CDC42EP1: variants seen among roughly 807,000 people sequenced by gnomAD.
CDC42EP1 encodes the protein CDC42 effector protein 1, also known as 55 kDa bone marrow stromal/endothelial cell protein.
Under a neutral mutation model 7.4 loss-of-function variants are expected in CDC42EP1, and 6 were observed. That is an observed-to-expected ratio of 0.81 (90% CI 0.44 to 1.60). The LOEUF is 1.60. Ranked by LOEUF, CDC42EP1 falls within the 40% of genes most tolerant of loss-of-function variation. The probability of loss-of-function intolerance (pLI) is 0.01; values close to 1 mark genes in which losing one functional copy is unlikely to be tolerated. For synonymous variants in CDC42EP1, 238 were observed against 227.1 expected (o/e 1.05, Z -0.43); for missense variants, 567 against 539.0 (o/e 1.05, Z -0.51).
chr22:37,568,360 C>T lies in CDC42EP1; in HGVS notation c.716C>T (p.Thr239Met), dbSNP rs781722526. Residue 239 changes from threonine to methionine, a missense_variant, in exon 3 of 3, where the codon ACG becomes ATG. Physicochemically the swap from Thr to Met is moderately conservative, Grantham distance 81. Coordinates refer to ENST00000249014, the MANE Select transcript of CDC42EP1 (RefSeq NM_152243.3). ...ANPPAPTANPTGPAANPPATT... is the reference protein window; with the variant it reads ...ANPPAPTANPMGPAANPPATT... The stretch of plus-strand genomic sequence containing the variant: ...CCCCCAGCCCCTACTGCAAACCCCA[C>T]GGGTCCTGCTGCAAACCCCCCAGCC... 7.5e-5 allele frequency: 118 copies of T among 1,563,830 alleles called. No homozygotes were observed. Among genetic ancestry groups the T allele is most frequent in the Non-Finnish European group, 9.9e-5 (114 of 1,146,964 alleles).
At chr22:37,567,242 C>T (rs773021032) in intron 2 of CDC42EP1, among the ~76,000 whole-genome samples, 5 of 152,094 alleles carry the variant, frequency 3.3e-5, no homozygotes, top group African/African-American at 9.7e-5. Flanking sequence ...TTCAAGTCCT[C>T]GCCTGGATAA....
Position 37,568,209 on chromosome 22 carries a change from C to T in CDC42EP1, c.565C>T (p.Arg189Cys), listed in dbSNP as rs556416144. ...GSFPSEPGLR[R>C]SDSLLSFRLD... ...CTTCCCCTCTGAGCCCGGGCTTCGC[C>T]GCTCTGACTCTCTCTTGTCCTTCCG... The change falls in exon 3 of 3, where the codon CGC becomes TGC. Residue 189 changes from arginine to cysteine, a missense_variant. Transcript: ENST00000249014. 1.9e-5 allele frequency: 31 copies of T among 1,613,932 alleles called. No individual in the cohort carries two copies. The highest frequency in any genetic ancestry group is 2.4e-5 in the Non-Finnish European group (28 of 1,179,986).
rs1210903271 is a variant in CDC42EP1, at chr22:37,560,669, C to G, written c.-279+81C>G. ...CCGGCGCCCGCGGGGACTCTGCACC[C>G]TACTAGGCTCCCGGGGCCGGAACGG... On this transcript the variant is annotated intron_variant, in intron 1 of 2. Transcript: ENST00000249014. The G allele has an allele frequency of 2.0e-5, 3 of 151,228 alleles. No individual in the cohort carries two copies. In the East Asian group the frequency reaches 6.0e-4, roughly 30 times the overall value. The allele number at this position is 151,228 out of a possible 1,614,324, so 9.4% of individuals were successfully genotyped here.
chr22:37,565,902 C>CA (rs1925217091), intron 1 of CDC42EP1, among the ~76,000 whole-genome samples, 170 bp from the exon 2 acceptor site: 1 of 152,132 alleles, frequency 6.6e-6, no homozygotes, highest in Admixed American at 6.5e-5. Context: ...TTTCTATACA[C>CA]AGACTCACTT....
At chr22:37,564,124 G>T (rs1925141219) in intron 1 of CDC42EP1, among the ~76,000 whole-genome samples, 1 of 152,138 alleles carries the variant, frequency 6.6e-6, no homozygotes, top group African/African-American at 2.4e-5. Flanking sequence ...TTTGCCCTCA[G>T]TGGGCCACAG....
chr22:37,568,762 T>C lies in CDC42EP1; in HGVS notation c.1118T>C (p.Val373Ala), dbSNP rs1925371791. 1 of 1,506,368 alleles carries C rather than the reference T, an allele frequency of 6.6e-7. No homozygotes were observed. 93.3% of individuals were successfully genotyped at this position (1,506,368 alleles called of 1,614,324 possible). ...AGCAGGACCCCAGTGCCCAGCACAG[T>C]GCAAGCAAACACCTTTGAATTTGCG... The part of the protein sequence containing the change: ...AGSRTPVPST[V>A]QANTFEFADA... Residue 373 changes from valine to alanine, a missense_variant, in exon 3 of 3, where the codon GTG becomes GCG. Val to Ala is a moderately conservative substitution (Grantham distance 64). Coordinates refer to ENST00000249014, the MANE Select transcript of CDC42EP1 (RefSeq NM_152243.3).
At chr22:37,565,172 T>TTC (rs1164262874) in intron 1 of CDC42EP1, among the ~76,000 whole-genome samples, 1 of 147,166 alleles carries the variant, frequency 6.8e-6, no homozygotes, top group Non-Finnish European at 1.5e-5. Context: ...ATAAGTGCTT[T>TTC]CTTTTTTTTT....
Position 37,566,357 on chromosome 22 carries a change from GC to G in CDC42EP1, c.13del (p.Gln5ArgfsTer9). 1.3e-6 allele frequency: 2 copies of G among 1,511,516 alleles called. No individual in the cohort carries two copies. Among genetic ancestry groups the G allele is most frequent in the Admixed American group, 2.2e-5 (1 of 46,202 alleles). 93.6% of individuals were successfully genotyped at this position (1,511,516 alleles called of 1,614,324 possible). A position where few individuals can be genotyped will look rare whatever the true frequency, so the allele number is the denominator to read the frequency against. MP[G>X]PQGGRGAATM... ...TGTGAGCAGCCAGAGCTGATGCCCG[GC>G]CCCCAGGGGGGCAGAGGCGCCGCCA... is the stretch of plus-strand genomic sequence containing the variant. On this transcript the variant is annotated frameshift_variant, in exon 2 of 3. Coordinates refer to ENST00000249014, the MANE Select transcript of CDC42EP1 (RefSeq NM_152243.3). LOFTEE classifies it high-confidence loss of function. The surrounding 1 kb of genome is among the most constrained non-coding windows in gnomAD (Gnocchi z 6.4).
intron 1 of CDC42EP1, chr22:37,564,349 C>T (rs528938984): frequency 6.6e-6 from 1 of 152,320 alleles, no homozygotes; most frequent in African/African-American, 2.4e-5. Context: ...CAGCAAGGCT[C>T]CTACGTCAGT....
At chr22:37,560,688 G>A (rs1006212353) in intron 1 of CDC42EP1, 100 bp downstream of exon 1, 8 of 151,446 alleles carry the variant, frequency 5.3e-5, no homozygotes, top group African/African-American at 1.7e-4. Context: ...TCCCGGGGCC[G>A]GAACGGGGAC....
Position 37,568,454 on chromosome 22 carries a change from T to G in CDC42EP1, c.810T>G (p.Ala270=). The part of the protein sequence containing the change: ...SAPAATPTGP[A]ANPPAPAASS... ...CTGCCGCAACCCCCACGGGTCCTGC[T>G]GCAAATCCCCCAGCCCCTGCCGCAA... The change falls in exon 3 of 3, where the codon GCT becomes GCG. Residue 270 remains alanine, a synonymous_variant. Coordinates refer to ENST00000249014, the MANE Select transcript of CDC42EP1 (RefSeq NM_152243.3). 1 of 1,589,170 alleles carries G rather than the reference T, an allele frequency of 6.3e-7. No individual in the cohort carries two copies. Among genetic ancestry groups the G allele is most frequent in the Non-Finnish European group, 8.6e-7 (1 of 1,165,804 alleles).
chr22:37,566,756 G>T lies in CDC42EP1; in HGVS notation c.407G>T (p.Gly136Val). 1.2e-6 allele frequency: 2 copies of T among 1,600,236 alleles called. No homozygotes were observed. Among genetic ancestry groups the T allele is most frequent in the Non-Finnish European group, 1.7e-6 (2 of 1,173,226 alleles). ...GCCGCCTACGACAGCCTCGTGGTTG[G>T]CAAGCTCAGCTTCGACAGCAGCCCC... ...NQAAYDSLVVGKLSFDSSPTS... is the reference protein window; with the variant it reads ...NQAAYDSLVVVKLSFDSSPTS... The change falls in exon 2 of 3, where the codon GGC becomes GTC. Residue 136 changes from glycine (G) to valine (V), a missense_variant. Transcript: ENST00000249014. This position sits in a 1 kb window ranked among gnomAD's most constrained non-coding sequence, Gnocchi z 6.4.
chr22:37,567,982 A>C (rs1014017688), intron 2 of CDC42EP1, 126 bp from the exon 3 acceptor site: 5 of 753,252 alleles, frequency 6.6e-6, no homozygotes, highest in Non-Finnish European at 1.1e-5. Flanking sequence ...AGATGGGAGA[A>C]ACCGAGGCCA....
intron 1 of CDC42EP1, among the ~76,000 whole-genome samples, chr22:37,562,628 CAG>C (rs762714027): frequency 9.9e-5 from 15 of 152,204 alleles, no homozygotes; most frequent in Non-Finnish European, 2.1e-4. Context: ...CACAGCGCTG[CAG>C]AGTCTCTCGA....
Position 37,568,103 on chromosome 22 carries a change from T to C in CDC42EP1, c.464-5T>C. On this transcript the variant is annotated splice_polypyrimidine_tract_variant and splice_region_variant and intron_variant, in intron 2 of 2. Transcript: ENST00000249014. The stretch of plus-strand genomic sequence containing the variant: ...CTCTGAGCCCACTGCCCATTTCTCT[T>C]CTAGGCCTGGACTCTGGGTTCTGCA... 1 of 1,606,730 alleles carries C rather than the reference T, an allele frequency of 6.2e-7. No individual in the cohort carries two copies. Among genetic ancestry groups the C allele is most frequent in the Non-Finnish European group, 8.5e-7 (1 of 1,175,512 alleles).
intron 1 of CDC42EP1, among the ~76,000 whole-genome samples, chr22:37,561,057 C>T (rs1392641859): frequency 1.3e-5 from 2 of 152,106 alleles, no homozygotes; most frequent in Non-Finnish European, 2.9e-5. Context: ...CGCCGCATTC[C>T]AGGCTGGAGC....
chr22:37,568,747 C>T lies in CDC42EP1; in HGVS notation c.1103C>T (p.Pro368Leu), dbSNP rs746544798. The change falls in exon 3 of 3, where the codon CCA becomes CTA. Residue 368 changes from proline (P) to leucine (L), a missense_variant. Coordinates refer to ENST00000249014, the MANE Select transcript of CDC42EP1 (RefSeq NM_152243.3). Reference sequence around the variant, plus strand: ...GCGCCCCAGGCAGGCAGCAGGACCCCAGTGCCCAGCACAGTGCAAGCAAAC... The same window carrying T: ...GCGCCCCAGGCAGGCAGCAGGACCCTAGTGCCCAGCACAGTGCAAGCAAAC... ...WRAPQAGSRTPVPSTVQANTF... is the reference protein window; with the variant it reads ...WRAPQAGSRTLVPSTVQANTF... The T allele has an allele frequency of 6.6e-7, 1 of 1,522,856 alleles. No individual in the cohort carries two copies. The allele number at this position is 1,522,856 out of a possible 1,614,324, so 94.3% of individuals were successfully genotyped here.
At position 37,566,100 on chromosome 22, in the gene CDC42EP1, G is replaced by A. The variant is rs939234027; in HGVS notation, c.-250G>A. On this transcript the variant is annotated 5_prime_UTR_variant, in exon 2 of 3. Coordinates refer to ENST00000249014, the MANE Select transcript of CDC42EP1 (RefSeq NM_152243.3). The surrounding 1 kb of genome is among the most constrained non-coding windows in gnomAD (Gnocchi z 6.4). ...TCCACCTCTGGGCAGGAGAGTTGCCGACCACCTCGGGGGTGCTTTCTCTGC... is the reference window on the plus strand; with the variant it reads ...TCCACCTCTGGGCAGGAGAGTTGCCAACCACCTCGGGGGTGCTTTCTCTGC... The A allele has an allele frequency of 4.1e-5, 16 of 386,698 alleles. No individual in the cohort carries two copies. Among genetic ancestry groups the A allele is most frequent in the Admixed American group, 4.1e-4 (9 of 22,206 alleles). 24.0% of individuals were successfully genotyped at this position (386,698 alleles called of 1,614,324 possible).
chr22:37,567,598 T>A (rs546171073), intron 2 of CDC42EP1, among the ~76,000 whole-genome samples: 12 of 152,200 alleles, frequency 7.9e-5, no homozygotes, highest in Admixed American at 7.2e-4. Context: ...CTGTCTCAGG[T>A]CTGTAGTCCT....
Sources: allele counts gnomAD v4.1 joint callset (sites outside exome capture counted in the v4.1 genomes callset), GRCh38; gene constraint gnomAD v4.1.1; non-coding constraint Gnocchi (gnomAD v3.1); transcripts MANE v1.5; gene names NCBI Gene and HGNC (gene_info 2026-07-23, HGNC 2026-07-21).